The following CACNA1D variants were observed in gnomAD, a reference collection of about 807,000 sequenced individuals.
The protein encoded by CACNA1D is voltage-dependent L-type calcium channel subunit alpha-1D.
CACNA1D carries 55 observed loss-of-function variants against 257.1 expected under a neutral mutation model. The ratio of observed to expected loss-of-function variants is 0.21; its 90% CI spans 0.17 to 0.27. The LOEUF (loss-of-function observed/expected upper bound fraction) is 0.27. CACNA1D is among the 10% of genes least tolerant of loss of function. CACNA1D has a pLI of 1.00. For missense variants in CACNA1D, 1,876 were observed against 2,784.0 expected, an observed-to-expected ratio of 0.67 and a Z score of 7.34; for synonymous variants, 980 against 1,014.9, an observed-to-expected ratio of 0.97 and a Z score of 0.65.
At chr3:53,719,870 T>C (rs914919803) in intron 11 of CACNA1D, 89 bp downstream of exon 11, 15 of 1,187,920 alleles carry the variant, frequency 1.3e-5, no homozygotes, top group Non-Finnish European at 1.8e-5. Flanking sequence ...TGCTCTGGAC[T>C]TGAGTTTTCC....
At chr3:53,637,038 TC>T (rs2093892508) in intron 3 of CACNA1D, among the ~76,000 whole-genome samples, 1 of 149,234 alleles carries the variant, frequency 6.7e-6, no homozygotes, top group African/African-American at 2.6e-5. Flanking sequence ...TTTTCCTCGC[TC>T]TTTTTTTTTC....
Position 53,633,379 on chromosome 3 carries a change from C to T in CACNA1D, c.484-17400C>T, listed in dbSNP as rs77189558. Among the ~76,000 whole-genome samples the T allele has an allele frequency of 9.5e-3, 1,452 of 152,228 alleles. 27 individuals carry two copies. The highest frequency in any genetic ancestry group is 0.032 in the African/African-American group (1,348 of 41,530). ...GCATGTACTTACGGTCCCGGCTGCTCGGGAGGCGGAGGTTGTAATGAGCTG... is the reference window on the plus strand; with the variant it reads ...GCATGTACTTACGGTCCCGGCTGCTTGGGAGGCGGAGGTTGTAATGAGCTG... On this transcript the variant is annotated intron_variant, in intron 3 of 47. Transcript: ENST00000350061.
intron 3 of CACNA1D, among the ~76,000 whole-genome samples, chr3:53,638,267 G>A (rs1247047963): frequency 1.3e-5 from 2 of 152,212 alleles, no homozygotes; most frequent in African/African-American, 4.8e-5. Flanking sequence ...GTCCAGGAAG[G>A]TGTAAGAGCA....
At chr3:53,641,586 G>A (rs749041612) in intron 3 of CACNA1D, among the ~76,000 whole-genome samples, 6 of 152,054 alleles carry the variant, frequency 3.9e-5, no homozygotes, top group Admixed American at 6.6e-5. Flanking sequence ...AGCTGGGTGC[G>A]GAAGTGGGAG....
intron 8 of CACNA1D, among the ~76,000 whole-genome samples, chr3:53,691,785 AATAT>A (rs529775499): frequency 8.9e-4 from 85 of 95,556 alleles, no homozygotes; most frequent in Non-Finnish European, 1.4e-3. Flanking sequence ...TTATATCTAT[AATAT>A]ATATATTACA....
chr3:53,590,359 C>T (rs576145321), intron 3 of CACNA1D, among the ~76,000 whole-genome samples: 1 of 152,340 alleles, frequency 6.6e-6, no homozygotes, highest in African/African-American at 2.4e-5. Flanking sequence ...TGAGGTCAGG[C>T]TTGTCGTCCA....
Position 53,606,761 on chromosome 3 carries a change from C to T in CACNA1D, c.484-44018C>T, listed in dbSNP as rs933461285. Among the ~76,000 whole-genome samples the T allele has an allele frequency of 4.6e-5, 7 of 152,200 alleles. No individual in the cohort carries two copies. In the South Asian group the frequency reaches 8.3e-4, roughly 18 times the overall value. On this transcript the variant is annotated intron_variant, in intron 3 of 47. Transcript: ENST00000350061. ...TATATACACTCTGTAACTACCAACC[C>T]ACTCAAGATGCAGAACACTGCTATC...
chr3:53,613,603 T>G (rs1451544226), intron 3 of CACNA1D, among the ~76,000 whole-genome samples: 1 of 152,068 alleles, frequency 6.6e-6, no homozygotes, highest in South Asian at 2.1e-4. Context: ...TGAGAACTCT[T>G]TGGAAACCAT....
chr3:53,600,669 ATCAT>A (rs912530844), intron 3 of CACNA1D, among the ~76,000 whole-genome samples: 3 of 152,302 alleles, frequency 2.0e-5, no homozygotes, highest in African/African-American at 7.2e-5. Context: ...TGTGGTATTG[ATCAT>A]TCATTCATCA....
At chr3:53,578,227 G>C (rs1311416318) in intron 3 of CACNA1D, among the ~76,000 whole-genome samples, 2 of 152,164 alleles carry the variant, frequency 1.3e-5, no homozygotes, top group African/African-American at 4.8e-5. Flanking sequence ...GAGTGGAGCA[G>C]AGCCCCATCC....
intron 3 of CACNA1D, among the ~76,000 whole-genome samples, chr3:53,534,596 C>G (rs113443640): frequency 6.6e-6 from 1 of 152,132 alleles, no homozygotes; most frequent in Non-Finnish European, 1.5e-5. Context: ...TTTCTCTGTC[C>G]CCGTCTCTCT....
intron 8 of CACNA1D, among the ~76,000 whole-genome samples, chr3:53,690,181 G>A (rs558646097): frequency 1.7e-4 from 26 of 152,226 alleles, no homozygotes; most frequent in Non-Finnish European, 2.4e-4. Flanking sequence ...TGCTTTTCTC[G>A]TCAGTTGGAA....
chr3:53,753,186 C>T (rs1455360773), intron 28 of CACNA1D, among the ~76,000 whole-genome samples: 2 of 152,214 alleles, frequency 1.3e-5, no homozygotes, highest in Admixed American at 1.3e-4. Context: ...GCCTTTTATT[C>T]AACATAAACT....
rs552678888 is a variant in CACNA1D at position 53,697,985 on chromosome 3, A to G, written c.1221-4656A>G. ...TGTTATTAGAGACCAAGATGTGGGT[A>G]CCAGGTGTGCTTGTACCTGCCAGAG... On this transcript the variant is annotated intron_variant, in intron 8 of 47. Transcript: ENST00000350061. Among the ~76,000 whole-genome samples, 13 of 152,318 alleles carry G rather than the reference A, an allele frequency of 8.5e-5. No individual in the cohort carries two copies. The East Asian group carries it at 2.5e-3, about 29-fold the overall frequency.
intron 3 of CACNA1D, among the ~76,000 whole-genome samples, chr3:53,605,050 C>T (rs1209365958): frequency 6.6e-6 from 1 of 152,144 alleles, no homozygotes; most frequent in Non-Finnish European, 1.5e-5. Context: ...GAAACAGGGA[C>T]ATTATTAAAA....
At chr3:53,808,619 A>G (rs2095579581) in intron 45 of CACNA1D, 30 bp from the exon 46 acceptor site, 1 of 1,603,938 alleles carries the variant, frequency 6.2e-7, no homozygotes, top group African/African-American at 1.3e-5. Context: ...AACTTGCTTC[A>G]CAGCTGTGTG....
At chr3:53,752,723 G>A (rs1475616915) in intron 28 of CACNA1D, among the ~76,000 whole-genome samples, 2 of 152,188 alleles carry the variant, frequency 1.3e-5, no homozygotes, top group African/African-American at 4.8e-5. Context: ...ATCTGGGCCT[G>A]TCACAGAGTA....
chr3:53,611,363 G>A (rs72970758), intron 3 of CACNA1D, among the ~76,000 whole-genome samples: 2,938 of 152,286 alleles, frequency 0.019, 98 homozygotes, highest in African/African-American at 0.067. Context: ...TCCAGCCTGG[G>A]CAACAGAGAT....
rs2095599058 is a variant in CACNA1D, at chr3:53,811,165, C to T, written c.6245C>T (p.Ser2082Leu). ...GRYARDPKFVSATKHEIADAC... is the reference protein window; with the variant it reads ...GRYARDPKFVLATKHEIADAC... ...TATGCAAGGGACCCAAAATTTGTGT[C>T]AGCAACAAAACACGAAATCGCTGAT... Residue 2082 changes from serine (S) to leucine (L), a missense_variant, in exon 48 of 48, where the codon TCA becomes TTA. Physicochemically the swap from Ser to Leu is moderately radical, Grantham distance 145 (BLOSUM62 -2). This residue lies in a region of CACNA1D where 491 missense variants were observed against 554.3 expected (regional missense o/e 0.89). Transcript: ENST00000350061. This position sits in a 1 kb window ranked among gnomAD's most constrained non-coding sequence, Gnocchi z 4.2. 1.2e-6 allele frequency: 2 copies of T among 1,614,102 alleles called. 1 individual carries two copies. Among genetic ancestry groups the T allele is most frequent in the Non-Finnish European group, 1.7e-6 (2 of 1,179,990 alleles).
Sources: gnomAD v4.1 joint callset for allele counts (sites outside exome capture counted in the v4.1 genomes callset) on GRCh38, gnomAD v4.1.1 for gene constraint, gnomAD v4.1.1 regional missense constraint, Gnocchi (gnomAD v3.1) non-coding constraint, MANE v1.5 for transcripts, NCBI Gene and HGNC (gene_info 2026-07-23, HGNC 2026-07-21) for gene names.